The following SMIM7 variants were observed in gnomAD, a reference collection of about 807,000 sequenced individuals.
The protein encoded by SMIM7 is UPF0608 protein C19orf42.
A neutral mutation model predicts 13.3 loss-of-function variants in SMIM7; 12 were observed. The observed-to-expected ratio is 0.90, with a 90% CI of 0.58 to 1.46. The LOEUF (loss-of-function observed/expected upper bound fraction) is 1.46, where lower values mean the gene tolerates loss of function less well. Among genes scored for constraint, SMIM7 ranks in the 40% most tolerant of loss-of-function variants. The pLI is 0.00. For synonymous variants in SMIM7, 36 were observed against 35.8 expected, an observed-to-expected ratio of 1.01 and a Z score of -0.02; for missense variants, 114 against 94.8, an observed-to-expected ratio of 1.20 and a Z score of -0.84.
chr19:16,638,204 T>G (rs2086374589), intron 4 of SMIM7, among the ~76,000 whole-genome samples: 1 of 150,524 alleles, frequency 6.6e-6, no homozygotes, highest in Non-Finnish European at 1.5e-5. Flanking sequence ...GAGGCGGAGG[T>G]TGCAGTAAGC....
chr19:16,660,046 C>T (rs531952683), intron 1 of SMIM7, 39 bp downstream of exon 1: 5 of 1,614,182 alleles, frequency 3.1e-6, no homozygotes, highest in Middle Eastern at 1.6e-4. Context: ...CCGCGTCCTG[C>T]CTGGCTCTCT....
intron 4 of SMIM7, among the ~76,000 whole-genome samples, chr19:16,633,114 C>A (rs2086333638): frequency 1.3e-5 from 2 of 152,146 alleles, no homozygotes; most frequent in South Asian, 4.1e-4. Context: ...CTACAATAAT[C>A]TAAGCCTCAA....
intron 4 of SMIM7, among the ~76,000 whole-genome samples, chr19:16,651,631 C>G (rs2086526386): frequency 6.6e-6 from 1 of 152,220 alleles, no homozygotes; most frequent in Non-Finnish European, 1.5e-5. Context: ...GAAGCAGGTG[C>G]ACAGGAAAGA....
downstream of SMIM7, among the ~76,000 whole-genome samples, chr19:16,644,118 G>GTTTTTTT (rs557600997): frequency 1.8e-4 from 15 of 85,426 alleles, no homozygotes; most frequent in Admixed American, 2.7e-4. Flanking sequence ...AATTGTTTGC[G>GTTTTTTT]TTTTTTTTTT....
At chr19:16,657,609 C>G (rs565616557) in intron 3 of SMIM7, among the ~76,000 whole-genome samples, 37 of 152,338 alleles carry the variant, frequency 2.4e-4, no homozygotes, top group African/African-American at 8.9e-4. Context: ...GTTTCCTGAT[C>G]TGTAAAATGG....
Position 16,660,112 on chromosome 19 carries a change from G to A in SMIM7, c.-2C>T, listed in dbSNP as rs548735234. ...GAACAGCAGGATGTCTCCGATCATC[G>A]TTACGGCCGAAGCGTCCGTCAGAAC... On this transcript the variant is annotated 5_prime_UTR_variant, in exon 1 of 5. It adds an upstream start codon to the 5' untranslated region. Coordinates refer to ENST00000487416, the MANE Select transcript of SMIM7 (RefSeq NM_024104.4). 6.3e-5 allele frequency: 102 copies of A among 1,614,170 alleles called. No individual in the cohort carries two copies. The South Asian group carries it at 8.8e-4, about 14-fold the overall frequency.
intron 3 of SMIM7, among the ~76,000 whole-genome samples, chr19:16,657,532 T>G (rs1386999063): frequency 6.6e-6 from 1 of 152,208 alleles, no homozygotes; most frequent in African/African-American, 2.4e-5. Flanking sequence ...AAACCCAGGT[T>G]CTAATCCTGA....
chr19:16,653,766 G>A lies in SMIM7; in HGVS notation c.212+269C>T, dbSNP rs1428038768. On this transcript the variant is annotated intron_variant, in intron 4 of 4. Transcript: ENST00000487416. ...AAAAATCAGCCGTGTGTGGTGGCAC[G>A]CACCTGTAGTCCCAGTTACTCGGGA... 1.4e-5 allele frequency: 6 copies of A among 440,106 alleles called. No homozygotes were observed. The South Asian group carries it at 1.5e-4, about 11-fold the overall frequency. The allele number at this position is 440,106 out of a possible 1,614,324, so 27.3% of individuals were successfully genotyped here.
At chr19:16,658,431 G>A (rs1344959692) in intron 3 of SMIM7, among the ~76,000 whole-genome samples, 1 of 152,186 alleles carries the variant, frequency 6.6e-6, no homozygotes, top group African/African-American at 2.4e-5. Flanking sequence ...AAATTCAGCA[G>A]GAAGTGTAAA....
At chr19:16,634,010 C>T (rs1056464244) in intron 4 of SMIM7, 4 of 152,130 alleles carry the variant, frequency 2.6e-5, no homozygotes, top group African/African-American at 4.8e-5. Context: ...TCCTGTCAAG[C>T]GCTGGGATTG....
At chr19:16,641,610 T>C (rs1447177127), downstream of SMIM7, among the ~76,000 whole-genome samples, 1 of 152,072 alleles carries the variant, frequency 6.6e-6, no homozygotes, top group Non-Finnish European at 1.5e-5. Context: ...AGTACAACTT[T>C]TTCTTTTGGA....
chr19:16,647,395 A>AACCTGTGATCC, intron 4 of SMIM7, 134 bp from the exon 5 acceptor site: 1 of 997,634 alleles, frequency 1.0e-6, no homozygotes, highest in South Asian at 1.4e-5. Context: ...TTTTTAAAGT[A>AACCTGTGATCC]ACCTGTGATC....
At chr19:16,652,984 G>A (rs1345227581) in intron 4 of SMIM7, 4 of 1,549,556 alleles carry the variant, frequency 2.6e-6, no homozygotes, top group East Asian at 2.4e-5. Flanking sequence ...TGAAAAGCCA[G>A]AATTTAAAAC....
At chr19:16,648,898 C>CCCA (rs2086483259) in intron 4 of SMIM7, among the ~76,000 whole-genome samples, 1 of 152,068 alleles carries the variant, frequency 6.6e-6, no homozygotes, top group Non-Finnish European at 1.5e-5. Context: ...CACCCATAGT[C>CCCA]CCACTACTTA....
chr19:16,638,938 C>A (rs2086381463), intron 4 of SMIM7: 1 of 152,140 alleles, frequency 6.6e-6, no homozygotes, highest in Non-Finnish European at 1.5e-5. Context: ...ACCACCTTTT[C>A]CACCTTCTTT....
Position 16,647,382 on chromosome 19 carries a change from GA to G in SMIM7, c.213-122del, listed in dbSNP as rs778833402. The G allele has an allele frequency of 1.0e-3, 1,250 of 1,224,360 alleles. 4 individuals carry two copies. Among genetic ancestry groups the G allele is most frequent in the Non-Finnish European group, 1.3e-3 (1,098 of 848,426 alleles). 75.8% of individuals were successfully genotyped at this position (1,224,360 alleles called of 1,614,324 possible). ...CTTAGATGATTTTACATGATTGTCT[GA>G]TTTTTTAAAGTAACCTGTGATCCAC... is the stretch of plus-strand genomic sequence containing the variant. On this transcript the variant is annotated intron_variant, in intron 4 of 4. Transcript: ENST00000487416.
chr19:16,643,313 G>A (rs538958519), downstream of SMIM7, among the ~76,000 whole-genome samples: 14 of 152,266 alleles, frequency 9.2e-5, 1 homozygote, highest in South Asian at 4.1e-4. Context: ...GATGGTCTCC[G>A]GAGAATGTGA....
Position 16,654,216 on chromosome 19 carries a change from C to T in SMIM7, c.122-91G>A, listed in dbSNP as rs116004464. On this transcript the variant is annotated intron_variant, in intron 3 of 4. Coordinates refer to ENST00000487416, the MANE Select transcript of SMIM7 (RefSeq NM_024104.4). ...TGGATTTTTGTGACTTCCACCCACC[C>T]GGCGCTTGCTGCCTCCAACTTCGGC... 4.6e-4 allele frequency: 489 copies of T among 1,053,324 alleles called. 3 individuals carry two copies. The African/African-American group carries it at 5.9e-3, about 13-fold the overall frequency. 65.2% of individuals were successfully genotyped at this position (1,053,324 alleles called of 1,614,324 possible).
chr19:16,659,792 G>A (rs1403253212), intron 2 of SMIM7, 167 bp downstream of exon 2: 2 of 855,822 alleles, frequency 2.3e-6, no homozygotes, highest in Non-Finnish European at 3.7e-6. Flanking sequence ...TCTCTCGGGG[G>A]GTGGGGGGCG....
Sources: allele counts gnomAD v4.1 joint callset (sites outside exome capture counted in the v4.1 genomes callset), GRCh38; gene constraint gnomAD v4.1.1; transcripts MANE v1.5; gene names NCBI Gene and HGNC (gene_info 2026-07-23, HGNC 2026-07-21).